The following ORMDL1 variants were observed in gnomAD, a reference collection of about 807,000 sequenced individuals.
The protein encoded by ORMDL1 is ORM1-like protein 1.
Under a neutral mutation model 13.0 loss-of-function variants are expected in ORMDL1, and 10 were observed. The ratio of observed to expected loss-of-function variants is 0.77; its 90% CI spans 0.47 to 1.30. ORMDL1 has a LOEUF of 1.30. Ranked by LOEUF, ORMDL1 falls within the 50% of genes most tolerant of loss-of-function variation. ORMDL1 has a pLI of 0.00. For missense variants in ORMDL1, 171 were observed against 186.7 expected, an observed-to-expected ratio of 0.92 and a Z score of 0.49; for synonymous variants, 61 against 63.9, an observed-to-expected ratio of 0.95 and a Z score of 0.22.
At chr2:189,767,350 C>T (rs527995344), downstream of ORMDL1, among the ~76,000 whole-genome samples, 63 of 152,216 alleles carry the variant, frequency 4.1e-4, no homozygotes, top group Admixed American at 1.8e-3. Context: ...GTATTTTCAC[C>T]GGCAATAACT....
intron 3 of ORMDL1, chr2:189,778,368 C>T (rs537333207): frequency 2.2e-6 from 1 of 453,406 alleles, no homozygotes; most frequent in African/African-American, 2.0e-5. Flanking sequence ...GTACTCCAGC[C>T]TGGGTGACAG....
intron 4 of ORMDL1, among the ~76,000 whole-genome samples, chr2:189,772,186 G>T (rs1308970279): frequency 6.6e-6 from 1 of 152,094 alleles, no homozygotes; most frequent in Non-Finnish European, 1.5e-5. Context: ...TCAAACTAGG[G>T]TTCATATGCC....
intron 3 of ORMDL1, among the ~76,000 whole-genome samples, chr2:189,779,249 G>A (rs1278871069): frequency 6.6e-6 from 1 of 152,160 alleles, no homozygotes; most frequent in African/African-American, 2.4e-5. Context: ...GGATGGTGCA[G>A]AAGGACTGCT....
intron 3 of ORMDL1, among the ~76,000 whole-genome samples, chr2:189,777,338 A>G (rs1034042301): frequency 1.8e-4 from 28 of 151,920 alleles, no homozygotes; most frequent in Non-Finnish European, 7.4e-5. Flanking sequence ...TTTCATATGG[A>G]CTTTAAAGTG....
chr2:189,778,958 AG>A (rs1559189922), intron 3 of ORMDL1, among the ~76,000 whole-genome samples: 2 of 152,138 alleles, frequency 1.3e-5, no homozygotes, highest in African/African-American at 4.8e-5. Context: ...CTGAGACAGG[AG>A]GATCACTTGA....
downstream of ORMDL1, among the ~76,000 whole-genome samples, chr2:189,766,450 G>A (rs975070212): frequency 2.0e-5 from 3 of 152,062 alleles, no homozygotes; most frequent in East Asian, 1.9e-4. Context: ...GCTCCCAGCC[G>A]GGCACAGTGG....
intron 3 of ORMDL1, among the ~76,000 whole-genome samples, chr2:189,780,100 C>T (rs2047790646): frequency 6.6e-6 from 1 of 151,942 alleles, no homozygotes; most frequent in Non-Finnish European, 1.5e-5. Flanking sequence ...GGGACAGGGC[C>T]CAAGTCTAAA....
At chr2:189,767,626 T>C (rs2047504226), downstream of ORMDL1, among the ~76,000 whole-genome samples, 1 of 152,238 alleles carries the variant, frequency 6.6e-6, no homozygotes, top group African/African-American at 2.4e-5. Context: ...ACTAAAGTTC[T>C]TGTATTTAAG....
intron 3 of ORMDL1, 65 bp downstream of exon 3, chr2:189,782,357 C>T (rs2047868286): frequency 5.6e-6 from 8 of 1,419,280 alleles, no homozygotes; most frequent in Non-Finnish European, 7.7e-6. Flanking sequence ...TCCTTCCTCC[C>T]CTTAATTTCC....
chr2:189,766,906 TC>T (rs751041217), downstream of ORMDL1, among the ~76,000 whole-genome samples: 9 of 152,240 alleles, frequency 5.9e-5, no homozygotes, highest in Non-Finnish European at 1.0e-4. Flanking sequence ...TCTTCAAGAT[TC>T]ATCCAAGATG....
downstream of ORMDL1, among the ~76,000 whole-genome samples, chr2:189,766,080 C>G (rs2047479147): frequency 6.6e-6 from 1 of 152,100 alleles, no homozygotes; most frequent in Admixed American, 6.5e-5. Flanking sequence ...CTGCCTCGGC[C>G]TCCCAAAGTG....
At chr2:189,775,411 T>A (rs747702102) in intron 4 of ORMDL1, 154 bp downstream of exon 4, 25 of 758,460 alleles carry the variant, frequency 3.3e-5, no homozygotes, top group Non-Finnish European at 4.9e-5. Flanking sequence ...TATCAACTTG[T>A]TAAAAATTTT....
rs1032742810 is a variant in ORMDL1 at position 189,782,430 on chromosome 2, G to A, written c.166C>T (p.His56Tyr). 6.2e-7 allele frequency: 1 copy of A among 1,612,664 alleles called. No homozygotes were observed. The highest frequency in any genetic ancestry group is 8.5e-7 in the Non-Finnish European group (1 of 1,178,880). ...PVAWTLTNIIHNLGMYVFLHA... is the reference protein window; with the variant it reads ...PVAWTLTNIIYNLGMYVFLHA... ...TAATGTGAAATTCTTACCAGATTAT[G>A]TATAATATTTGTTAAAGTCCAAGCA... Residue 56 changes from histidine (H) to tyrosine (Y), a missense_variant, in exon 3 of 5, where the codon CAT becomes TAT. Transcript: ENST00000392349.
chr2:189,777,935 C>T lies in ORMDL1; in HGVS notation c.175-2219G>A, dbSNP rs1009333897. Among the ~76,000 whole-genome samples, 6 of 152,246 alleles carry T rather than the reference C, an allele frequency of 3.9e-5. No individual in the cohort carries two copies. The South Asian group carries it at 8.3e-4, about 21-fold the overall frequency. On this transcript the variant is annotated intron_variant, in intron 3 of 4. Coordinates refer to ENST00000392349, the MANE Select transcript of ORMDL1 (RefSeq NM_016467.5). ...TTAATTGGTTTAATGTGGCTATATTCAAAGGAAACTTAAATTTGGAGTCAT... is the reference window on the plus strand; with the variant it reads ...TTAATTGGTTTAATGTGGCTATATTTAAAGGAAACTTAAATTTGGAGTCAT...
At position 189,772,828 on chromosome 2, in the gene ORMDL1, G is replaced by A. The variant is rs1192885818; in HGVS notation, c.327-926C>T. Among the ~76,000 whole-genome samples the A allele has an allele frequency of 2.0e-5, 3 of 152,194 alleles. No homozygotes were observed. The South Asian group carries it at 6.2e-4, about 31-fold the overall frequency. On this transcript the variant is annotated intron_variant, in intron 4 of 4. Coordinates refer to ENST00000392349, the MANE Select transcript of ORMDL1 (RefSeq NM_016467.5). ...TATCTTGTGTAACATGGTTAGAAGA[G>A]AGGAGCTACTTCCAAGTATGACAAA... is the stretch of plus-strand genomic sequence containing the variant.
chr2:189,768,790 A>G (rs545566777), downstream of ORMDL1, among the ~76,000 whole-genome samples: 90 of 152,298 alleles, frequency 5.9e-4, no homozygotes, highest in Middle Eastern at 3.4e-3. Flanking sequence ...CTTGTGCTAT[A>G]TAATAAGTAA....
chr2:189,776,925 A>G (rs2047710540), intron 3 of ORMDL1, among the ~76,000 whole-genome samples: 1 of 152,160 alleles, frequency 6.6e-6, no homozygotes, highest in Admixed American at 6.5e-5. Flanking sequence ...AACAGCTAGA[A>G]AGTAGGGCAG....
chr2:189,767,668 G>A (rs1207841201), downstream of ORMDL1, among the ~76,000 whole-genome samples: 1 of 152,154 alleles, frequency 6.6e-6, no homozygotes, highest in Non-Finnish European at 1.5e-5. Context: ...TATGCTGTCT[G>A]AGTGAACGGA....
chr2:189,783,745 A>C (rs1012614288), intron 1 of ORMDL1, among the ~76,000 whole-genome samples: 1 of 152,260 alleles, frequency 6.6e-6, no homozygotes, highest in African/African-American at 2.4e-5. Flanking sequence ...CACGTTCCAC[A>C]GGATGGAGGC....
Sources: gnomAD v4.1 joint callset for allele counts (sites outside exome capture counted in the v4.1 genomes callset) on GRCh38, gnomAD v4.1.1 for gene constraint, MANE v1.5 for transcripts, NCBI Gene and HGNC (gene_info 2026-07-23, HGNC 2026-07-21) for gene names.